The following MAPK8 variants were observed in gnomAD, a reference collection of about 807,000 sequenced individuals.
The protein encoded by MAPK8 is mitogen-activated protein kinase 8.
A neutral mutation model predicts 52.9 loss-of-function variants in MAPK8; 13 were observed. The ratio of observed to expected loss-of-function variants is 0.25; its 90% confidence interval spans 0.16 to 0.39. The LOEUF is 0.39. MAPK8 is among the 10% of genes least tolerant of loss of function. The pLI is 1.00. For missense variants in MAPK8, 300 were observed against 519.2 expected (o/e 0.58, Z 4.10); for synonymous variants, 191 against 169.8 (o/e 1.12, Z -0.97).
intron 11 of MAPK8, among the ~76,000 whole-genome samples, chr10:48,433,397 G>A (rs772545421): frequency 1.3e-5 from 2 of 152,170 alleles, no homozygotes; most frequent in Non-Finnish European, 2.9e-5. Flanking sequence ...TGTGTACTAT[G>A]TATGGTACAC....
In MAPK8 at chr10:48,431,296, A is replaced by G. The variant is rs375812588; in HGVS notation, c.1138+26A>G. On this transcript the variant is annotated intron_variant, in intron 11 of 11. Coordinates refer to ENST00000374189, the MANE Select transcript of MAPK8 (RefSeq NM_001323329.2). ...GTTGGTTACAATATAAGCTTGGTTA[A>G]GATTACAGTTTACTTCTTGTGTTGT... The G allele has an allele frequency of 1.0e-5, 15 of 1,505,156 alleles. No homozygotes were observed. In the African/African-American group the frequency reaches 2.1e-4, roughly 21 times the overall value. 93.2% of individuals were successfully genotyped at this position (1,505,156 alleles called of 1,614,324 possible).
rs539727870 is a variant in MAPK8 at position 48,437,673 on chromosome 10, T to G, written c.*2644T>G. 7 of 152,216 alleles carry G rather than the reference T, an allele frequency of 4.6e-5. No individual in the cohort carries two copies. The highest frequency in any genetic ancestry group is 1.0e-4 in the Non-Finnish European group (7 of 68,044). 9.4% of individuals were successfully genotyped at this position (152,216 alleles called of 1,614,324 possible). On this transcript the variant is annotated 3_prime_UTR_variant, in exon 12 of 12. Transcript: ENST00000374189. ...AGCATCTCAACTCTGTCATAGTGTT[T>G]GCTGAACAGTTTTCAGTGTCATGCA... is the stretch of plus-strand genomic sequence containing the variant.
intron 2 of MAPK8, among the ~76,000 whole-genome samples, chr10:48,403,917 T>TG (rs2042301554): frequency 1.6e-5 from 2 of 125,672 alleles, no homozygotes; most frequent in African/African-American, 3.2e-5. Context: ...CCCGGCTAAT[T>TG]TGTGTGTGTG....
At chr10:48,397,159 T>G (rs1048781163) in intron 1 of MAPK8, among the ~76,000 whole-genome samples, 5 of 152,058 alleles carry the variant, frequency 3.3e-5, no homozygotes, top group Non-Finnish European at 7.4e-5. Flanking sequence ...TATAACCTTT[T>G]TTTTTTTTTG....
intron 1 of MAPK8, among the ~76,000 whole-genome samples, chr10:48,365,810 A>G (rs904562157): frequency 1.3e-5 from 2 of 152,180 alleles, no homozygotes; most frequent in South Asian, 2.1e-4. Flanking sequence ...AAGAATGAGC[A>G]TGTCTCATGT....
intron 10 of MAPK8, among the ~76,000 whole-genome samples, chr10:48,428,636 C>T (rs1373610266): frequency 1.3e-5 from 2 of 152,136 alleles, no homozygotes; most frequent in Non-Finnish European, 2.9e-5. Flanking sequence ...AGAAGAATGA[C>T]AAAATGATAA....
intron 1 of MAPK8, among the ~76,000 whole-genome samples, chr10:48,388,474 C>T (rs1232283283): frequency 6.6e-6 from 1 of 151,988 alleles, no homozygotes; most frequent in Admixed American, 6.6e-5. Flanking sequence ...AGTAGTATGC[C>T]CCTCTAGGCT....
At chr10:48,424,215 C>G in intron 7 of MAPK8, 56 bp downstream of exon 7, 1 of 1,444,376 alleles carries the variant, frequency 6.9e-7, no homozygotes, top group Non-Finnish European at 9.7e-7. Flanking sequence ...TCTTTATGTT[C>G]TCTAATGAAA....
At chr10:48,350,505 C>A (rs1846205280) in intron 1 of MAPK8, among the ~76,000 whole-genome samples, 1 of 152,140 alleles carries the variant, frequency 6.6e-6, no homozygotes, top group African/African-American at 2.4e-5. Flanking sequence ...TAAATAGAAC[C>A]AATGACAAAA....
chr10:48,429,719 C>T (rs1240979299), intron 10 of MAPK8, among the ~76,000 whole-genome samples: 3 of 152,088 alleles, frequency 2.0e-5, no homozygotes, highest in African/African-American at 7.2e-5. Flanking sequence ...TTTCTCCTTC[C>T]AAGCCTTAAG....
intron 1 of MAPK8, among the ~76,000 whole-genome samples, chr10:48,399,539 C>T (rs112152325): frequency 1.3e-5 from 2 of 152,170 alleles, no homozygotes; most frequent in African/African-American, 4.8e-5. Flanking sequence ...CTCCTGTGGC[C>T]GGGCCACCCT....
At chr10:48,411,794 C>G (rs1272767631) in intron 5 of MAPK8, among the ~76,000 whole-genome samples, 1 of 150,680 alleles carries the variant, frequency 6.6e-6, no homozygotes, top group East Asian at 1.9e-4. Flanking sequence ...TCTTTTCTTT[C>G]TTTTCTCTCC....
intron 1 of MAPK8, among the ~76,000 whole-genome samples, chr10:48,377,633 C>G (rs1008543668): frequency 6.6e-6 from 1 of 152,044 alleles, no homozygotes; most frequent in African/African-American, 2.4e-5. Flanking sequence ...CGTTATTGCC[C>G]ACCACATGGG....
intron 1 of MAPK8, among the ~76,000 whole-genome samples, chr10:48,313,203 C>T (rs1455633727): frequency 6.6e-6 from 1 of 152,156 alleles, no homozygotes; most frequent in African/African-American, 2.4e-5. Flanking sequence ...GAGGCCGAGG[C>T]GGGCGGATCA....
chr10:48,402,424 C>CTT (rs2042207698), intron 2 of MAPK8, among the ~76,000 whole-genome samples: 1 of 152,190 alleles, frequency 6.6e-6, no homozygotes, highest in Non-Finnish European at 1.5e-5. Flanking sequence ...GGAATGAAGT[C>CTT]AGCTAATATC....
chr10:48,435,925 C>T lies in MAPK8; in HGVS notation c.*896C>T, dbSNP rs189497037. 2.0e-5 allele frequency: 3 copies of T among 152,376 alleles called. No homozygotes were observed. In the East Asian group the frequency reaches 5.8e-4, roughly 29 times the overall value. 9.4% of individuals were successfully genotyped at this position (152,376 alleles called of 1,614,324 possible). ...TATACACTGAGTTAATCTACTCAGGCTGTAGGTCCCAGCAATGTTCTAGAG... is the reference window on the plus strand; with the variant it reads ...TATACACTGAGTTAATCTACTCAGGTTGTAGGTCCCAGCAATGTTCTAGAG... On this transcript the variant is annotated 3_prime_UTR_variant, in exon 12 of 12. Transcript: ENST00000374189.
chr10:48,332,353 T>G (rs1052180865), intron 1 of MAPK8, among the ~76,000 whole-genome samples: 3 of 152,226 alleles, frequency 2.0e-5, no homozygotes, highest in African/African-American at 7.2e-5. Flanking sequence ...TCCACATACT[T>G]GTTTAGCAGG....
At chr10:48,359,746 G>A (rs78313088) in intron 1 of MAPK8, among the ~76,000 whole-genome samples, 9,419 of 152,130 alleles carry the variant, frequency 0.062, 626 homozygotes, top group Admixed American at 0.21. Flanking sequence ...TCCTCACATC[G>A]TATAAAAATC....
chr10:48,333,634 C>T (rs189190653), intron 1 of MAPK8, among the ~76,000 whole-genome samples: 70 of 147,610 alleles, frequency 4.7e-4, no homozygotes, highest in Admixed American at 9.5e-4. Context: ...TGATCAGGTT[C>T]CTCTTCTAAT....
Sources: gnomAD v4.1 joint callset for allele counts (sites outside exome capture counted in the v4.1 genomes callset) on GRCh38, gnomAD v4.1.1 for gene constraint, MANE v1.5 for transcripts, NCBI Gene and HGNC (gene_info 2026-07-23, HGNC 2026-07-21) for gene names.